Variants in ALOX5AP observed in about 807,000 individuals in gnomAD.
ALOX5AP encodes arachidonate 5-lipoxygenase-activating protein.
A neutral mutation model predicts 18.5 loss-of-function variants in ALOX5AP; 9 were observed. That is an observed-to-expected ratio of 0.49 (90% CI 0.29 to 0.85). ALOX5AP has a LOEUF of 0.85. Among genes scored for constraint, ALOX5AP ranks in the 40% least tolerant of loss-of-function variants. The pLI is 0.08. For missense variants in ALOX5AP, 172 were observed against 202.5 expected, an observed-to-expected ratio of 0.85 and a Z score of 0.91; for synonymous variants, 81 against 78.6, an observed-to-expected ratio of 1.03 and a Z score of -0.16.
rs1044537967 is a variant in ALOX5AP at position 30,764,187 on chromosome 13, G to A, written c.*81G>A. On this transcript the variant is annotated 3_prime_UTR_variant, in exon 5 of 5. Coordinates refer to ENST00000380490, the MANE Select transcript of ALOX5AP (RefSeq NM_001629.4). ...ATAATTCAGCTCTTGAGAGCATTCT[G>A]CTCTTCTTTAGATGGCTGTAAATCT... 6.9e-6 allele frequency: 10 copies of A among 1,452,522 alleles called. No homozygotes were observed. The highest frequency in any genetic ancestry group is 1.3e-5 in the South Asian group (1 of 74,254). 90.0% of individuals were successfully genotyped at this position (1,452,522 alleles called of 1,614,324 possible).
At chr13:30,738,153 C>T (rs1035131802) in intron 1 of ALOX5AP, among the ~76,000 whole-genome samples, 5 of 152,336 alleles carry the variant, frequency 3.3e-5, no homozygotes, top group East Asian at 1.9e-4. Context: ...GTTCCACATG[C>T]GCCCATGACT....
intron 1 of ALOX5AP, among the ~76,000 whole-genome samples, chr13:30,741,203 A>G (rs1239082584): frequency 7.7e-6 from 1 of 129,256 alleles, no homozygotes; most frequent in African/African-American, 3.0e-5. Context: ...GCTCACTGCA[A>G]GCTCCGCCTC....
At chr13:30,737,294 G>T (rs1219115450) in intron 1 of ALOX5AP, among the ~76,000 whole-genome samples, 27 of 152,180 alleles carry the variant, frequency 1.8e-4, no homozygotes, top group Non-Finnish European at 1.5e-5. Context: ...TCAAGGACAG[G>T]TTCTCCTCAC....
At chr13:30,762,269 G>T (rs143483795) in intron 4 of ALOX5AP, among the ~76,000 whole-genome samples, 2 of 152,322 alleles carry the variant, frequency 1.3e-5, no homozygotes, top group African/African-American at 4.8e-5. Context: ...TAATGGCTGA[G>T]TGACTTTCAG....
chr13:30,718,837 T>A (rs568394331), intron 1 of ALOX5AP, among the ~76,000 whole-genome samples: 1 of 152,276 alleles, frequency 6.6e-6, no homozygotes, highest in Non-Finnish European at 1.5e-5. Context: ...AGCTGACCAC[T>A]GAACTCCTGG....
At chr13:30,763,365 C>A (rs1488383822) in intron 4 of ALOX5AP, among the ~76,000 whole-genome samples, 1 of 152,176 alleles carries the variant, frequency 6.6e-6, no homozygotes, top group Non-Finnish European at 1.5e-5. Flanking sequence ...TCCCTCCACT[C>A]AAAAATGCAA....
intron 3 of ALOX5AP, among the ~76,000 whole-genome samples, chr13:30,754,877 T>C (rs1469527299): frequency 6.6e-6 from 1 of 152,192 alleles, no homozygotes; most frequent in Non-Finnish European, 1.5e-5. Context: ...ACACACTCCT[T>C]ACCAGAGAGC....
chr13:30,752,171 A>C, intron 3 of ALOX5AP, 49 bp downstream of exon 3: 150 of 1,579,308 alleles, frequency 9.5e-5, no homozygotes, highest in Non-Finnish European at 1.1e-4. Flanking sequence ...AGTGCATCTC[A>C]AGGAGGTTCA....
At chr13:30,749,616 T>C (rs755170316) in intron 2 of ALOX5AP, among the ~76,000 whole-genome samples, 1 of 152,206 alleles carries the variant, frequency 6.6e-6, no homozygotes, top group Non-Finnish European at 1.5e-5. Flanking sequence ...ACCCCAGTGA[T>C]AAATTTGTAG....
intron 2 of ALOX5AP, among the ~76,000 whole-genome samples, chr13:30,745,147 C>G (rs533168302): frequency 2.4e-4 from 36 of 152,350 alleles, no homozygotes; most frequent in African/African-American, 8.7e-4. Context: ...ATTAAACTGG[C>G]TTCAAGGGAT....
intron 1 of ALOX5AP, among the ~76,000 whole-genome samples, chr13:30,729,544 G>C (rs1951664720): frequency 6.6e-6 from 1 of 150,710 alleles, no homozygotes; most frequent in African/African-American, 2.4e-5. Flanking sequence ...ATAAAGCTAA[G>C]TCTGGAGCAA....
intron 1 of ALOX5AP, among the ~76,000 whole-genome samples, chr13:30,718,477 A>C (rs1259789571): frequency 6.6e-6 from 1 of 150,420 alleles, no homozygotes; most frequent in African/African-American, 2.4e-5. Context: ...TCTCTGACCC[A>C]CCCTTGCCCC....
intron 4 of ALOX5AP, among the ~76,000 whole-genome samples, chr13:30,761,508 A>T (rs549995565): frequency 6.6e-6 from 1 of 152,224 alleles, no homozygotes; most frequent in African/African-American, 2.4e-5. Context: ...TGGCTAAAAA[A>T]TATCCCTTAC....
intron 1 of ALOX5AP, among the ~76,000 whole-genome samples, chr13:30,720,968 T>C (rs1387462851): frequency 6.6e-6 from 1 of 152,180 alleles, no homozygotes; most frequent in African/African-American, 2.4e-5. Flanking sequence ...GAAAGAGTTG[T>C]AATTCAGTCC....
chr13:30,750,953 A>G (rs892431598), intron 2 of ALOX5AP, among the ~76,000 whole-genome samples: 2 of 152,214 alleles, frequency 1.3e-5, no homozygotes, highest in Admixed American at 1.3e-4. Context: ...AAGGCAAGGA[A>G]ATGGTTTCTC....
intron 1 of ALOX5AP, among the ~76,000 whole-genome samples, chr13:30,725,687 C>T (rs143732192): frequency 8.7e-4 from 132 of 152,322 alleles, no homozygotes; most frequent in African/African-American, 3.1e-3. Context: ...ATGTGCCTTC[C>T]CTGACTACTA....
chr13:30,756,754 A>C (rs929625529), intron 4 of ALOX5AP, among the ~76,000 whole-genome samples: 1 of 140,870 alleles, frequency 7.1e-6, no homozygotes, highest in African/African-American at 2.6e-5. Flanking sequence ...CAGAGGTTGC[A>C]GTGAGCCGAG....
chr13:30,760,747 G>A (rs1413709657), intron 4 of ALOX5AP, among the ~76,000 whole-genome samples: 2 of 152,084 alleles, frequency 1.3e-5, no homozygotes, highest in African/African-American at 4.8e-5. Context: ...TTTACAATAC[G>A]CCCCCATAGG....
chr13:30,744,076 A>G lies in ALOX5AP; in HGVS notation c.87A>G (p.Lys29=). The G allele has an allele frequency of 6.2e-7, 1 of 1,614,124 alleles. No homozygotes were observed. The highest frequency in any genetic ancestry group is 8.5e-7 in the Non-Finnish European group (1 of 1,179,968). ...CCTTGGCAGGATTCTTTGCCCATAA[A>G]GTGGAGCACGAAAGCAGGACCCAGA... is the stretch of plus-strand genomic sequence containing the variant. The part of the protein sequence containing the change: ...SVVQNGFFAH[K]VEHESRTQNG... The change falls in exon 2 of 5, where the codon AAA becomes AAG. Residue 29 remains lysine, a synonymous_variant. Coordinates refer to ENST00000380490, the MANE Select transcript of ALOX5AP (RefSeq NM_001629.4).
Sources: gnomAD v4.1 joint callset for allele counts (sites outside exome capture counted in the v4.1 genomes callset) on GRCh38, gnomAD v4.1.1 for gene constraint, MANE v1.5 for transcripts, NCBI Gene and HGNC (gene_info 2026-07-23, HGNC 2026-07-21) for gene names.